NUBP2: variants seen among roughly 807,000 people sequenced by gnomAD.
NUBP2 encodes cytosolic Fe-S cluster assembly factor NUBP2.
A neutral mutation model predicts 24.9 loss-of-function variants in NUBP2; 23 were observed. That is an observed-to-expected ratio of 0.92 (90% CI 0.66 to 1.31). The LOEUF (loss-of-function observed/expected upper bound fraction) is 1.31, where lower values mean the gene tolerates loss of function less well. Ranked by LOEUF, NUBP2 falls within the 50% of genes most tolerant of loss-of-function variation. NUBP2 has a pLI of 0.00. For missense variants in NUBP2, 403 were observed against 386.5 expected (o/e 1.04, Z -0.36); for synonymous variants, 186 against 170.9 (o/e 1.09, Z -0.69).
intron 1 of NUBP2, chr16:1,785,031 G>A (rs776911383): frequency 7.4e-5 from 71 of 954,338 alleles, no homozygotes; most frequent in Non-Finnish European, 8.4e-5. Context: ...CAGCCTGGGC[G>A]ACAGAATGAG....
chr16:1,786,286 T>A (rs1896962391), intron 1 of NUBP2: 1 of 533,590 alleles, frequency 1.9e-6, no homozygotes, highest in African/African-American at 1.9e-5. Context: ...CAGTTTCCAC[T>A]CTCAGCAGCG....
At chr16:1,783,389 GC>G (rs1158341485) in intron 1 of NUBP2, 2 of 1,062,240 alleles carry the variant, frequency 1.9e-6, no homozygotes, top group African/African-American at 3.4e-5. Flanking sequence ...CCGGGCAAGA[GC>G]GAGACCCTGT....
intron 3 of NUBP2, 63 bp downstream of exon 3, chr16:1,787,018 C>A: frequency 7.1e-7 from 1 of 1,408,674 alleles, no homozygotes; most frequent in Non-Finnish European, 9.3e-7. Flanking sequence ...GCCGGCCTCT[C>A]CTGTGGAAAT....
In NUBP2 at chr16:1,786,919, G is replaced by A; in HGVS notation, c.298G>A (p.Asp100Asn). Residue 100 changes from aspartate (D) to asparagine (N), a missense_variant, in exon 3 of 7, where the codon GAC (aspartate) becomes AAC (asparagine). Physicochemically the swap from Asp to Asn is conservative, Grantham distance 23 (BLOSUM62 1). Coordinates refer to ENST00000262302, the MANE Select transcript of NUBP2 (RefSeq NM_012225.4). ...MSVGFLLEKP[D>N]EAVVWRGPKK... ...TGTGGGCTTCCTGCTGGAGAAGCCG[G>A]ACGAGGCCGTGGTGTGGAGAGGCCC... 3 of 1,542,622 alleles carry A rather than the reference G, an allele frequency of 1.9e-6. No individual in the cohort carries two copies. Among genetic ancestry groups the A allele is most frequent in the Non-Finnish European group, 2.6e-6 (3 of 1,139,872 alleles).
At chr16:1,787,118 G>A in intron 3 of NUBP2, 163 bp downstream of exon 3, 2 of 639,170 alleles carry the variant, frequency 3.1e-6, no homozygotes, top group Non-Finnish European at 5.1e-6. Context: ...TGTGTCTCCA[G>A]TTGGGTCCGT....
At chr16:1,787,284 C>A in intron 3 of NUBP2, 1 of 405,932 alleles carries the variant, frequency 2.5e-6, no homozygotes, top group East Asian at 4.1e-5. Flanking sequence ...CATTAGACGC[C>A]CCCAAAGGCA....
At chr16:1,786,272 T>C (rs1896961882) in intron 1 of NUBP2, 1 of 514,818 alleles carries the variant, frequency 1.9e-6, no homozygotes, top group South Asian at 2.5e-5. Context: ...CGAGAGGAGT[T>C]GGGCAGTTTC....
rs774905012 is a variant in NUBP2, at chr16:1,788,604, C to G, written c.706C>G (p.Leu236Val). The part of the protein sequence containing the change: ...VPLDPALMRT[L>V]EEGHDFIQEF... ...CCTGGACCCTGCGCTCATGAGGACC[C>G]TGGAGGAGGGCCACGACTTCATCCA... Residue 236 changes from leucine (L) to valine (V), a missense_variant, in exon 7 of 7, where the codon CTG becomes GTG. Coordinates refer to ENST00000262302, the MANE Select transcript of NUBP2 (RefSeq NM_012225.4). 3 of 1,609,996 alleles carry G rather than the reference C, an allele frequency of 1.9e-6. 1 individual carries two copies. Among genetic ancestry groups the G allele is most frequent in the South Asian group, 2.2e-5 (2 of 90,716 alleles).
rs906869722 is a variant in NUBP2 at position 1,784,076 on chromosome 16, T to C, written c.16+1040T>C. ...ACGGATTTACTACAAAGTAAGGATA[T>C]TACTGAGATTGATAGAAGCTTTTTT... On this transcript the variant is annotated intron_variant, in intron 1 of 6. Transcript: ENST00000262302. The C allele has an allele frequency of 3.3e-5, 32 of 976,360 alleles. No homozygotes were observed. The African/African-American group carries it at 5.3e-4, about 16-fold the overall frequency. The allele number at this position is 976,360 out of a possible 1,614,324, so 60.5% of individuals were successfully genotyped here. A position where few individuals can be genotyped will look rare whatever the true frequency, so the allele number is the denominator to read the frequency against.
chr16:1,783,187 G>A, intron 1 of NUBP2, 151 bp downstream of exon 1: 4 of 1,176,924 alleles, frequency 3.4e-6, no homozygotes, highest in Non-Finnish European at 4.2e-6. Context: ...CGCGGCGCGG[G>A]CATTTTCTAA....
At chr16:1,784,123 A>C (rs1034719189) in intron 1 of NUBP2, 1 of 798,828 alleles carries the variant, frequency 1.3e-6, no homozygotes, top group Admixed American at 6.3e-5. Context: ...ACAGGGTCTT[A>C]ACTGTCGCCA....
intron 1 of NUBP2, chr16:1,785,178 G>C (rs937409945): frequency 9.0e-6 from 9 of 999,104 alleles, no homozygotes; most frequent in Non-Finnish European, 1.1e-5. Context: ...TCCTCGGGGA[G>C]ATGGTGCTTC....
chr16:1,787,107 G>T, intron 3 of NUBP2, 152 bp downstream of exon 3: 1 of 713,486 alleles, frequency 1.4e-6, no homozygotes, highest in South Asian at 2.3e-5. Context: ...CAGGCTGGCG[G>T]TGTGTCTCCA....
chr16:1,785,133 C>CCGGG (rs1896902377), intron 1 of NUBP2: 1 of 990,286 alleles, frequency 1.0e-6, no homozygotes, highest in African/African-American at 1.7e-5. Context: ...ATAAAGCTGA[C>CCGGG]CGGGACTCAT....
At chr16:1,785,412 G>A (rs909722676) in intron 1 of NUBP2, 79 of 1,170,906 alleles carry the variant, frequency 6.7e-5, no homozygotes, top group African/African-American at 9.6e-5. Context: ...CTCTGCCAAC[G>A]AGGAGAGCCC....
In NUBP2 at chr16:1,788,851, G is replaced by A. The variant is rs916160924; in HGVS notation, c.*137G>A. ...AGCGTCAGCCGGAGAGCTTCTCCCC[G>A]ACCAGCCCAGCCCCAGGATGTGTCG... On this transcript the variant is annotated 3_prime_UTR_variant, in exon 7 of 7. Transcript: ENST00000262302. 5.4e-6 allele frequency: 6 copies of A among 1,118,840 alleles called. No individual in the cohort carries two copies. Among genetic ancestry groups the A allele is most frequent in the Admixed American group, 3.0e-5 (1 of 33,836 alleles). The allele number at this position is 1,118,840 out of a possible 1,614,324, so 69.3% of individuals were successfully genotyped here.
intron 1 of NUBP2, 72 bp downstream of exon 1, chr16:1,783,108 C>T (rs1896799620): frequency 2.5e-6 from 3 of 1,219,706 alleles, no homozygotes; most frequent in Non-Finnish European, 3.1e-6. Flanking sequence ...CTTCCCGGGG[C>T]GGCCTCGCTG....
At chr16:1,786,500 C>G (rs764665857) in intron 1 of NUBP2, 37 bp from the exon 2 acceptor site, 1 of 1,541,816 alleles carries the variant, frequency 6.5e-7, no homozygotes, top group African/African-American at 1.4e-5. Context: ...CAGTGGGCAC[C>G]AGGAGCCCTG....
At chr16:1,783,112 C>T (rs1308019393) in intron 1 of NUBP2, 76 bp downstream of exon 1, 2 of 1,216,254 alleles carry the variant, frequency 1.6e-6, no homozygotes, top group Non-Finnish European at 2.0e-6. Flanking sequence ...CCGGGGCGGC[C>T]TCGCTGCGTC....
Sources: allele counts gnomAD v4.1 joint callset, GRCh38; gene constraint gnomAD v4.1.1; transcripts MANE v1.5; gene names NCBI Gene and HGNC (gene_info 2026-07-23, HGNC 2026-07-21).